Variants in SYT7 observed in about 807,000 individuals in gnomAD.
SYT7 encodes the protein synaptotagmin-7.
A neutral mutation model predicts 75.1 loss-of-function variants in SYT7; 29 were observed. The ratio of observed to expected loss-of-function variants is 0.39; its 90% confidence interval spans 0.29 to 0.53. The LOEUF is 0.53. Ranked by LOEUF, SYT7 falls within the 20% of genes least tolerant of loss-of-function variation. The pLI, the probability that SYT7 is intolerant of heterozygous loss-of-function variation, is 0.77. For missense variants in SYT7, 693 were observed against 953.2 expected (o/e 0.73, Z 3.59); for synonymous variants, 376 against 401.7 (o/e 0.94, Z 0.76).
chr11:61,522,037 C>T (rs190376704), intron 12 of SYT7, among the ~76,000 whole-genome samples: 5 of 152,236 alleles, frequency 3.3e-5, no homozygotes, highest in East Asian at 1.9e-4. Flanking sequence ...ATCTGACTCC[C>T]GAGCCCATGC....
Position 61,515,567 on chromosome 11 carries a change from G to T in SYT7, c.*3060C>A, listed in dbSNP as rs1162233826. On this transcript the variant is annotated 3_prime_UTR_variant, in exon 13 of 13. Transcript: ENST00000539008. ...TTTTTTATAAAACACTTGCACTCAA[G>T]AACATACAAACAGTGGCCACCAATC... 1.3e-5 allele frequency: 2 copies of T among 149,710 alleles called. No individual in the cohort carries two copies. Among genetic ancestry groups the T allele is most frequent in the African/African-American group, 4.9e-5 (2 of 40,452 alleles). 9.3% of individuals were successfully genotyped at this position (149,710 alleles called of 1,614,324 possible).
chr11:61,522,351 G>A (rs1273851174), intron 12 of SYT7, among the ~76,000 whole-genome samples: 4 of 151,804 alleles, frequency 2.6e-5, no homozygotes, highest in South Asian at 2.1e-4. Flanking sequence ...CACCATGCCC[G>A]GCTAATTTTT....
rs559224415 is a variant in SYT7 at position 61,531,973 on chromosome 11, T to C, written c.1200+1016A>G. Among the ~76,000 whole-genome samples the C allele has an allele frequency of 1.2e-4, 18 of 150,898 alleles. No homozygotes were observed. The East Asian group carries it at 3.1e-3, about 26-fold the overall frequency. On this transcript the variant is annotated intron_variant, in intron 8 of 12. Transcript: ENST00000539008. ...ACCAGGAATCTGCATTTTACCAAGG[T>C]TCCCGGCTGATTCCTGTGCACGTAG...
At chr11:61,544,336 C>G (rs2063125490) in intron 5 of SYT7, among the ~76,000 whole-genome samples, 1 of 151,978 alleles carries the variant, frequency 6.6e-6, no homozygotes, top group South Asian at 2.1e-4. Flanking sequence ...GTTAGGCTAC[C>G]CCTGTGGGCT....
At chr11:61,535,964 G>C (rs2062858315) in intron 7 of SYT7, among the ~76,000 whole-genome samples, 1 of 152,184 alleles carries the variant, frequency 6.6e-6, no homozygotes, top group Non-Finnish European at 1.5e-5. Flanking sequence ...AGCTCAGAGG[G>C]GTGGGGCCCT....
At chr11:61,578,456 A>AGAGGG (rs968164221) in intron 1 of SYT7, among the ~76,000 whole-genome samples, 1 of 152,038 alleles carries the variant, frequency 6.6e-6, no homozygotes, top group African/African-American at 2.4e-5. Flanking sequence ...CTGGGAGACC[A>AGAGGG]GAGGGGAGGG....
chr11:61,573,778 C>T (rs2063990758), intron 1 of SYT7, among the ~76,000 whole-genome samples: 1 of 152,166 alleles, frequency 6.6e-6, no homozygotes, highest in Non-Finnish European at 1.5e-5. Flanking sequence ...ATGTGCTGTC[C>T]CCACCTCACC....
chr11:61,519,294 G>A (rs1441716885), intron 12 of SYT7, among the ~76,000 whole-genome samples: 1 of 152,238 alleles, frequency 6.6e-6, no homozygotes, highest in Non-Finnish European at 1.5e-5. Flanking sequence ...GGTCTTTGGA[G>A]CTCTATGCTA....
At chr11:61,582,023 C>G (rs1018694781), upstream of SYT7, among the ~76,000 whole-genome samples, 1 of 152,030 alleles carries the variant, frequency 6.6e-6, no homozygotes, top group Non-Finnish European at 1.5e-5. Flanking sequence ...AGAAATGAAC[C>G]ATTAGTGGTA....
At chr11:61,538,094 G>C in intron 7 of SYT7, 50 bp downstream of exon 7, 1 of 1,531,866 alleles carries the variant, frequency 6.5e-7, no homozygotes, top group Non-Finnish European at 8.7e-7. Context: ...CGGCCTCTCC[G>C]CGCCTCCTTC....
chr11:61,577,201 T>G (rs546733776), intron 1 of SYT7, among the ~76,000 whole-genome samples: 1 of 152,316 alleles, frequency 6.6e-6, no homozygotes, highest in East Asian at 1.9e-4. Context: ...CTGGCTACCC[T>G]GGCCCATGCC....
chr11:61,513,746 C>A lies in SYT7; in HGVS notation c.*4881G>T, dbSNP rs1189323762. 1.3e-5 allele frequency among the ~76,000 whole-genome samples: 2 copies of A among 152,350 alleles called. No homozygotes were observed. The highest frequency in any genetic ancestry group is 1.9e-4 in the East Asian group (1 of 5,188). ...CTGAAGATGAACGTTTATTAGCACA[C>A]CTGGGCGTGCCACATGGAACATGTA... is the stretch of plus-strand genomic sequence containing the variant. On this transcript the variant is annotated 3_prime_UTR_variant, in exon 13 of 13. Transcript: ENST00000539008.
At chr11:61,555,281 G>A (rs915968660) in intron 2 of SYT7, among the ~76,000 whole-genome samples, 14 of 152,166 alleles carry the variant, frequency 9.2e-5, no homozygotes, top group Non-Finnish European at 8.8e-5. Context: ...GTAGCACCTC[G>A]GACACCCCCG....
chr11:61,542,636 G>A lies in SYT7; in HGVS notation c.573-57C>T. On this transcript the variant is annotated intron_variant, in intron 5 of 12. Coordinates refer to ENST00000539008, the MANE Select transcript of SYT7 (RefSeq NM_001365809.2). The surrounding 1 kb of genome is among the most constrained non-coding windows in gnomAD (Gnocchi z 7.8). ...AGAAGCAGATGAAGGGATCACAGTGGAAGAGAAAGAAGCCGAGGGCCAGGA... is the reference window on the plus strand; with the variant it reads ...AGAAGCAGATGAAGGGATCACAGTGAAAGAGAAAGAAGCCGAGGGCCAGGA... The A allele has an allele frequency of 7.0e-7, 1 of 1,432,446 alleles. No individual in the cohort carries two copies. The allele number at this position is 1,432,446 out of a possible 1,614,324, so 88.7% of individuals were successfully genotyped here. A position where few individuals can be genotyped will look rare whatever the true frequency, so the allele number is the denominator to read the frequency against.
chr11:61,557,351 C>T (rs192120410), intron 1 of SYT7, among the ~76,000 whole-genome samples: 3 of 152,342 alleles, frequency 2.0e-5, no homozygotes, highest in African/African-American at 7.2e-5. Context: ...TAAGAGTTGA[C>T]AGTATCTGTC....
In SYT7 at chr11:61,556,102, A is replaced by G; in HGVS notation, c.135+2T>C. On this transcript the variant is annotated splice_donor_variant, in intron 2 of 12. Transcript: ENST00000539008. LOFTEE classifies it high-confidence loss of function. ...CCTCCAAGGGGCCCTCAGGAGCCTCACCAGTTTGCGCTGACACCAGTGGCA... is the reference window on the plus strand; with the variant it reads ...CCTCCAAGGGGCCCTCAGGAGCCTCGCCAGTTTGCGCTGACACCAGTGGCA... The G allele has an allele frequency of 6.2e-7, 1 of 1,613,250 alleles. No homozygotes were observed. The highest frequency in any genetic ancestry group is 8.5e-7 in the Non-Finnish European group (1 of 1,179,626).
chr11:61,580,431 C>T lies in SYT7; in HGVS notation c.31+359G>A, dbSNP rs566130061. ...GCCAGCGCTGGCACCCCCGGGGCAC[C>T]GGTGCTGGGGAGCCTCGGGTGCCTC... On this transcript the variant is annotated intron_variant, in intron 1 of 12. Coordinates refer to ENST00000539008, the MANE Select transcript of SYT7 (RefSeq NM_001365809.2). The surrounding 1 kb of genome is among the most constrained non-coding windows in gnomAD (Gnocchi z 6.1). 1.6e-4 allele frequency among the ~76,000 whole-genome samples: 24 copies of T among 152,152 alleles called. No homozygotes were observed. Among genetic ancestry groups the T allele is most frequent in the African/African-American group, 5.1e-4 (21 of 41,546 alleles).
chr11:61,541,376 A>T, intron 6 of SYT7: 1 of 747,266 alleles, frequency 1.3e-6, no homozygotes. Context: ...AGGCTCTGAG[A>T]GTGGGGGGCA....
At chr11:61,521,699 TC>T (rs1322890477) in intron 12 of SYT7, among the ~76,000 whole-genome samples, 1 of 152,094 alleles carries the variant, frequency 6.6e-6, no homozygotes, top group Non-Finnish European at 1.5e-5. Flanking sequence ...AGTCCCCCTT[TC>T]CCTTTCCCCC....
Sources: allele counts gnomAD v4.1 joint callset (sites outside exome capture counted in the v4.1 genomes callset), GRCh38; gene constraint gnomAD v4.1.1; non-coding constraint Gnocchi (gnomAD v3.1); transcripts MANE v1.5; gene names NCBI Gene and HGNC (gene_info 2026-07-23, HGNC 2026-07-21).